The following TRA2A variants were observed in gnomAD, a reference collection of about 807,000 sequenced individuals.
The protein encoded by TRA2A is transformer-2 protein homolog alpha.
A neutral mutation model predicts 45.7 loss-of-function variants in TRA2A; 31 were observed. The observed-to-expected ratio is 0.68, with a 90% CI of 0.51 to 0.92. The LOEUF is 0.92. TRA2A is among the 40% of genes least tolerant of loss of function. The probability of loss-of-function intolerance (pLI) is 0.00; values close to 1 mark genes in which losing one functional copy is unlikely to be tolerated. For missense variants in TRA2A, 304 were observed against 367.5 expected (o/e 0.83, Z 1.41); for synonymous variants, 132 against 126.2 (o/e 1.05, Z -0.31).
chr7:23,514,739 G>C (rs1395472588), intron 3 of TRA2A, among the ~76,000 whole-genome samples: 1 of 152,120 alleles, frequency 6.6e-6, no homozygotes, highest in Non-Finnish European at 1.5e-5. Flanking sequence ...GGGATTACAA[G>C]CGTGAGCCAA....
At chr7:23,522,556 T>TAA (rs35027244) in intron 1 of TRA2A, 41 of 134,494 alleles carry the variant, frequency 3.0e-4, no homozygotes, top group South Asian at 1.1e-3. Context: ...CTAGTTTATT[T>TAA]AAAAAAAAAA....
chr7:23,510,802 T>C (rs1789565858), intron 4 of TRA2A, among the ~76,000 whole-genome samples: 1 of 152,030 alleles, frequency 6.6e-6, no homozygotes, highest in Non-Finnish European at 1.5e-5. Context: ...ATGTATCTCT[T>C]AATTGAGAAA....
At chr7:23,526,922 T>C (rs188646185) in intron 1 of TRA2A, among the ~76,000 whole-genome samples, 47 of 152,272 alleles carry the variant, frequency 3.1e-4, no homozygotes, top group East Asian at 9.6e-4. Flanking sequence ...CACCCACATA[T>C]AATCAAATTT....
At chr7:23,520,683 ATT>A (rs11346990) in intron 2 of TRA2A, among the ~76,000 whole-genome samples, 3,849 of 129,692 alleles carry the variant, frequency 0.03, 68 homozygotes, top group African/African-American at 0.061. Flanking sequence ...GCTGTTTTAA[ATT>A]TTTTTTTTTT....
At chr7:23,517,503 A>AAAAAAAAAAAAGAGAG (rs764849438) in intron 2 of TRA2A, among the ~76,000 whole-genome samples, 3 of 116,202 alleles carry the variant, frequency 2.6e-5, no homozygotes, top group Non-Finnish European at 5.4e-5. Flanking sequence ...AAAAAAAAAA[A>AAAAAAAAAAAAGAGAG]AGAGAGAAAG....
intron 3 of TRA2A, among the ~76,000 whole-genome samples, chr7:23,515,007 T>G (rs978676239): frequency 1.1e-4 from 16 of 152,146 alleles, no homozygotes; most frequent in Non-Finnish European, 2.1e-4. Context: ...ACTCCTTCAA[T>G]GTCATACATC....
intron 4 of TRA2A, among the ~76,000 whole-genome samples, chr7:23,512,497 C>G (rs1010620896): frequency 6.6e-6 from 1 of 151,904 alleles, no homozygotes; most frequent in Non-Finnish European, 1.5e-5. Context: ...CTCACTGTGT[C>G]GCCCAGGCTG....
At position 23,505,742 on chromosome 7, in the gene TRA2A, A is replaced by C. The variant is rs1284247597; in HGVS notation, c.838+4T>G. 1 of 1,538,690 alleles carries C rather than the reference A, an allele frequency of 6.5e-7. No individual in the cohort carries two copies. Among genetic ancestry groups the C allele is most frequent in the Non-Finnish European group, 8.7e-7 (1 of 1,145,290 alleles). On this transcript the variant is annotated splice_donor_region_variant and intron_variant, in intron 7 of 7. Coordinates refer to ENST00000297071, the MANE Select transcript of TRA2A (RefSeq NM_013293.5). ...TTTATGCTACAAAAGTAAAGTTCAC[A>C]TACTTGGGCTGTAGGAACGAGATCT...
chr7:23,524,267 T>C (rs1790252286), intron 1 of TRA2A, among the ~76,000 whole-genome samples: 1 of 152,122 alleles, frequency 6.6e-6, no homozygotes, highest in Admixed American at 6.5e-5. Flanking sequence ...CACTGCAACC[T>C]CCACCTCCTG....
At chr7:23,516,777 CAAAAAAAAAACAA>C (rs1472594809) in intron 2 of TRA2A, among the ~76,000 whole-genome samples, 1 of 145,592 alleles carries the variant, frequency 6.9e-6, no homozygotes. Context: ...TTTTAAAAAA[CAAAAAAAAAACAA>C]AAAACAAAAA....
At chr7:23,529,270 T>C (rs1282273296) in intron 1 of TRA2A, among the ~76,000 whole-genome samples, 1 of 152,210 alleles carries the variant, frequency 6.6e-6, no homozygotes, top group African/African-American at 2.4e-5. Flanking sequence ...ATTGCTTTTA[T>C]GGACCTACGT....
At chr7:23,514,134 C>A (rs1252025546) in intron 3 of TRA2A, among the ~76,000 whole-genome samples, 1 of 147,884 alleles carries the variant, frequency 6.8e-6, no homozygotes, top group East Asian at 2.0e-4. Context: ...ATGGTGCGAT[C>A]TTGGCTCACC....
chr7:23,528,298 T>C (rs978616236), intron 1 of TRA2A, among the ~76,000 whole-genome samples: 16 of 152,050 alleles, frequency 1.1e-4, no homozygotes, highest in African/African-American at 3.9e-4. Flanking sequence ...AACCTCCGCC[T>C]CCCGGGTTCA....
rs145640174 is a variant in TRA2A at position 23,507,611 on chromosome 7, A to C, written c.526-76T>G. 4.5e-4 allele frequency: 455 copies of C among 1,020,126 alleles called. No homozygotes were observed. In the African/African-American group the frequency reaches 4.7e-3, roughly 11 times the overall value. The allele number at this position is 1,020,126 out of a possible 1,614,324, so 63.2% of individuals were successfully genotyped here. A position where few individuals can be genotyped will look rare whatever the true frequency, so the allele number is the denominator to read the frequency against. On this transcript the variant is annotated intron_variant, in intron 4 of 7. Transcript: ENST00000297071. ...AATCATTACTTAAAATTAAGCACAA[A>C]GTATATGTAATCCAAATAAACTCCT...
intron 6 of TRA2A, 147 bp from the exon 7 acceptor site, chr7:23,505,960 A>G: frequency 1.4e-6 from 1 of 695,918 alleles, no homozygotes; most frequent in South Asian, 2.6e-5. Flanking sequence ...ATGAGACCAG[A>G]AAAGTATATA....
chr7:23,513,726 T>C (rs1789732832), intron 3 of TRA2A, among the ~76,000 whole-genome samples: 1 of 152,172 alleles, frequency 6.6e-6, no homozygotes, highest in Admixed American at 6.5e-5. Flanking sequence ...GTCACAAGAG[T>C]ACACTGAACA....
intron 1 of TRA2A, among the ~76,000 whole-genome samples, chr7:23,523,155 A>C (rs1011066157): frequency 6.6e-6 from 1 of 152,212 alleles, no homozygotes; most frequent in Non-Finnish European, 1.5e-5. Flanking sequence ...GCAAGAAGGT[A>C]CAAAATTTAT....
At chr7:23,516,183 A>G (rs955447172) in intron 3 of TRA2A, among the ~76,000 whole-genome samples, 180 bp downstream of exon 3, 1 of 152,190 alleles carries the variant, frequency 6.6e-6, no homozygotes, top group Admixed American at 6.5e-5. Flanking sequence ...GTCATAAAAC[A>G]TGGTAAGCTT....
In TRA2A at chr7:23,531,831, G is replaced by A. The variant is rs777733599; in HGVS notation, c.-7C>T. The A allele has an allele frequency of 5.0e-6, 8 of 1,613,750 alleles. No homozygotes were observed. Among genetic ancestry groups the A allele is most frequent in the Admixed American group, 3.3e-5 (2 of 60,036 alleles). ...TTTCCTCCACATCACTCATGTCGAC[G>A]AGGCGCTCCCCAGAACTAAATAAGA... On this transcript the variant is annotated 5_prime_UTR_variant, in exon 1 of 8. Coordinates refer to ENST00000297071, the MANE Select transcript of TRA2A (RefSeq NM_013293.5).
Sources: gnomAD v4.1 joint callset for allele counts (sites outside exome capture counted in the v4.1 genomes callset) on GRCh38, gnomAD v4.1.1 for gene constraint, MANE v1.5 for transcripts, NCBI Gene and HGNC (gene_info 2026-07-23, HGNC 2026-07-21) for gene names.